PPP4R4: variants seen among roughly 807,000 people sequenced by gnomAD.
PPP4R4 encodes the protein serine/threonine-protein phosphatase 4 regulatory subunit 4.
Under a neutral mutation model 121.8 loss-of-function variants are expected in PPP4R4, and 70 were observed. The observed-to-expected ratio is 0.57, with a 90% CI of 0.47 to 0.70. The LOEUF (loss-of-function observed/expected upper bound fraction) is 0.70. Ranked by LOEUF, PPP4R4 falls within the 30% of genes least tolerant of loss-of-function variation. The pLI is 0.00. For missense variants in PPP4R4, 875 were observed against 1,033.6 expected (o/e 0.85, Z 2.10); for synonymous variants, 348 against 355.7 (o/e 0.98, Z 0.24).
At chr14:94,233,107 T>A (rs1217679106) in intron 5 of PPP4R4, among the ~76,000 whole-genome samples, 1 of 152,040 alleles carries the variant, frequency 6.6e-6, no homozygotes, top group Non-Finnish European at 1.5e-5. Context: ...ACTAGAGAAC[T>A]GGGACTAGAA....
chr14:94,249,312 A>G (rs1391548660), intron 14 of PPP4R4, among the ~76,000 whole-genome samples: 1 of 152,002 alleles, frequency 6.6e-6, no homozygotes, highest in Admixed American at 6.6e-5. Flanking sequence ...CAACAGATTA[A>G]AAACCCCACT....
chr14:94,183,048 C>T (rs1239954384), intron 2 of PPP4R4, among the ~76,000 whole-genome samples: 2 of 151,854 alleles, frequency 1.3e-5, no homozygotes, highest in Non-Finnish European at 2.9e-5. Context: ...TTTTTCTTTC[C>T]CTACAAGAAG....
intron 17 of PPP4R4, among the ~76,000 whole-genome samples, chr14:94,257,004 T>C (rs1893509966): frequency 6.6e-6 from 1 of 152,152 alleles, no homozygotes. Context: ...TTTGAGTTAA[T>C]TCAGGGGTCT....
intron 2 of PPP4R4, among the ~76,000 whole-genome samples, chr14:94,188,998 T>C (rs900370434): frequency 1.3e-5 from 2 of 152,162 alleles, no homozygotes; most frequent in African/African-American, 2.4e-5. Flanking sequence ...ATAATTCATA[T>C]ATTGTTGAAT....
chr14:94,266,876 G>T, intron 22 of PPP4R4, 83 bp from the exon 23 acceptor site: 1 of 907,966 alleles, frequency 1.1e-6, no homozygotes, highest in Admixed American at 2.5e-5. Flanking sequence ...TTAAAAAGAA[G>T]ATTAAAACAG....
chr14:94,225,704 T>C (rs1291436623), intron 3 of PPP4R4, among the ~76,000 whole-genome samples: 1 of 152,188 alleles, frequency 6.6e-6, no homozygotes, highest in Non-Finnish European at 1.5e-5. Flanking sequence ...GAGATCCTTA[T>C]CTTTGACTTC....
At chr14:94,257,371 A>G (rs917220493) in intron 17 of PPP4R4, among the ~76,000 whole-genome samples, 1 of 152,088 alleles carries the variant, frequency 6.6e-6, no homozygotes, top group Non-Finnish European at 1.5e-5. Context: ...AAACTTCAGG[A>G]CACATTGTTT....
At chr14:94,276,442 C>T (rs1409460790) in intron 24 of PPP4R4, among the ~76,000 whole-genome samples, 1 of 152,164 alleles carries the variant, frequency 6.6e-6, no homozygotes, top group Non-Finnish European at 1.5e-5. Flanking sequence ...GCAGACTTTA[C>T]AGGAAGCATA....
At chr14:94,207,824 T>C (rs1023408189) in intron 2 of PPP4R4, among the ~76,000 whole-genome samples, 5 of 151,706 alleles carry the variant, frequency 3.3e-5, no homozygotes, top group African/African-American at 1.2e-4. Flanking sequence ...AATCTGAACA[T>C]TTTTTTCAAG....
At chr14:94,246,632 C>T in intron 14 of PPP4R4, 93 bp downstream of exon 14, 4 of 1,345,150 alleles carry the variant, frequency 3.0e-6, no homozygotes, top group Non-Finnish European at 3.1e-6. Flanking sequence ...GTAGAACAAA[C>T]TCAGTTCATT....
intron 2 of PPP4R4, among the ~76,000 whole-genome samples, chr14:94,190,689 T>C (rs1353942658): frequency 6.6e-6 from 1 of 152,182 alleles, no homozygotes; most frequent in African/African-American, 2.4e-5. Context: ...GAAAGGCTGG[T>C]TAAAAAAATT....
intron 3 of PPP4R4, among the ~76,000 whole-genome samples, chr14:94,214,278 T>A (rs1330794403): frequency 6.6e-6 from 1 of 152,198 alleles, no homozygotes; most frequent in Admixed American, 6.5e-5. Context: ...ATAACGCTGA[T>A]TTATGTTCGA....
intron 3 of PPP4R4, among the ~76,000 whole-genome samples, chr14:94,218,770 CT>C (rs1287015450): frequency 6.6e-6 from 1 of 151,932 alleles, no homozygotes; most frequent in Non-Finnish European, 1.5e-5. Flanking sequence ...ACCCTCACCC[CT>C]AGATACCTCA....
In PPP4R4 at chr14:94,258,779, A is replaced by G. The variant is rs780246982; in HGVS notation, c.2011-4A>G. 13 of 1,562,936 alleles carry G rather than the reference A, an allele frequency of 8.3e-6. No homozygotes were observed. In the South Asian group the frequency reaches 1.5e-4, roughly 17 times the overall value. On this transcript the variant is annotated splice_polypyrimidine_tract_variant and splice_region_variant and intron_variant, in intron 17 of 24. Coordinates refer to ENST00000304338, the MANE Select transcript of PPP4R4 (RefSeq NM_058237.2). ...TAGAATAATTTTAAAAACTTTCCTT[A>G]TAGACTGTATTAGAGTTGGACAGAA...
intron 3 of PPP4R4, among the ~76,000 whole-genome samples, chr14:94,228,956 T>C (rs1157665896): frequency 6.6e-6 from 1 of 152,046 alleles, no homozygotes; most frequent in African/African-American, 2.4e-5. Context: ...GACAAGGTGG[T>C]ATTTGAGTAG....
chr14:94,222,603 C>A (rs1302385509), intron 3 of PPP4R4, among the ~76,000 whole-genome samples: 3 of 150,436 alleles, frequency 2.0e-5, no homozygotes, highest in African/African-American at 7.3e-5. Context: ...TGAAGAACAC[C>A]TTTTAGTATT....
intron 2 of PPP4R4, among the ~76,000 whole-genome samples, chr14:94,205,859 A>C (rs1455163858): frequency 6.6e-6 from 1 of 151,958 alleles, no homozygotes; most frequent in African/African-American, 2.4e-5. Flanking sequence ...ATTCTGTATT[A>C]TTTAAATTTT....
chr14:94,174,643 G>T (rs1888561198), intron 1 of PPP4R4, 61 bp downstream of exon 1: 6 of 1,584,356 alleles, frequency 3.8e-6, no homozygotes, highest in Middle Eastern at 2.1e-4. Flanking sequence ...GCGCGGTCCC[G>T]CGCTGATCTC....
At chr14:94,208,371 C>A in intron 2 of PPP4R4, 93 bp from the exon 3 acceptor site, 1 of 810,866 alleles carries the variant, frequency 1.2e-6, no homozygotes, top group Non-Finnish European at 1.8e-6. Context: ...ACATTCAAAG[C>A]AGTCATTTTT....
Sources: allele counts gnomAD v4.1 joint callset (sites outside exome capture counted in the v4.1 genomes callset), GRCh38; gene constraint gnomAD v4.1.1; transcripts MANE v1.5; gene names NCBI Gene and HGNC (gene_info 2026-07-23, HGNC 2026-07-21).